Variants in GLIS3 observed in about 807,000 individuals in gnomAD.
The protein encoded by GLIS3 is GLIS family zinc finger 3.
A neutral mutation model predicts 78.6 loss-of-function variants in GLIS3; 53 were observed. That is an observed-to-expected ratio of 0.67 (90% CI 0.54 to 0.85). GLIS3 has a LOEUF of 0.85. Among genes scored for constraint, GLIS3 ranks in the 40% least tolerant of loss-of-function variants. GLIS3 has a pLI of 0.00. For synonymous variants in GLIS3, 684 were observed against 509.9 expected (o/e 1.34, Z -4.60); for missense variants, 1,703 against 1,231.1 (o/e 1.38, Z -5.74).
chr9:4,050,446 GGT>G (rs1825663952), intron 4 of GLIS3, among the ~76,000 whole-genome samples: 1 of 152,114 alleles, frequency 6.6e-6, no homozygotes, highest in Non-Finnish European at 1.5e-5. Flanking sequence ...AGGGCCTGTT[GGT>G]GGGTGGGGGT....
intron 2 of GLIS3, among the ~76,000 whole-genome samples, chr9:4,207,754 C>G (rs1300668415): frequency 6.6e-6 from 1 of 152,130 alleles, no homozygotes; most frequent in Non-Finnish European, 1.5e-5. Flanking sequence ...AGATGGGGAA[C>G]CCAGAACAGG....
chr9:4,479,369 G>A, the GLIS3 span, among the ~76,000 whole-genome samples: 1 of 152,192 alleles, frequency 6.6e-6, no homozygotes, highest in Non-Finnish European at 1.5e-5. Context: ...AACATTCCCT[G>A]TGGGCCTTTG....
intron 2 of GLIS3, among the ~76,000 whole-genome samples, chr9:4,264,607 A>T (rs1317100504): frequency 6.6e-6 from 1 of 152,040 alleles, no homozygotes; most frequent in Non-Finnish European, 1.5e-5. Context: ...CTCTTCTGGG[A>T]ACACTCTTCC....
At position 3,828,287 on chromosome 9, in the gene GLIS3, G is replaced by A. The variant is rs199920423; in HGVS notation, c.2778C>T (p.Val926=). ...AAGAGAGCTTTTAGCCTTCGGTGTA[G>A]ACAGAGGAGAGCTGGCTAGGACAGC... The part of the protein sequence containing the change: ...VDRCPSQLSS[V]YTEG Residue 926 remains valine, a synonymous_variant, in exon 11 of 11, where the codon GTC becomes GTT. Transcript: ENST00000381971. The A allele has an allele frequency of 6.2e-7, 1 of 1,614,126 alleles. No individual in the cohort carries two copies. Among genetic ancestry groups the A allele is most frequent in the Non-Finnish European group, 8.5e-7 (1 of 1,180,016 alleles).
At chr9:4,277,010 A>C (rs1827092555) in intron 2 of GLIS3, among the ~76,000 whole-genome samples, 1 of 152,176 alleles carries the variant, frequency 6.6e-6, no homozygotes, top group Non-Finnish European at 1.5e-5. Context: ...GAAAATATAA[A>C]TGATTAAAAA....
At chr9:4,344,188 T>TC (rs1817872712) in intron 2 of GLIS3, among the ~76,000 whole-genome samples, 1 of 152,062 alleles carries the variant, frequency 6.6e-6, no homozygotes. Flanking sequence ...ACAGCAAGTC[T>TC]CCCGATAAAA....
the GLIS3 span, among the ~76,000 whole-genome samples, chr9:4,478,917 G>C: frequency 6.6e-6 from 1 of 152,148 alleles, no homozygotes; most frequent in African/African-American, 2.4e-5. Context: ...TTATGAAATA[G>C]CAAACCTCTA....
chr9:3,990,976 G>C (rs988906766), intron 4 of GLIS3, among the ~76,000 whole-genome samples: 22 of 152,082 alleles, frequency 1.4e-4, no homozygotes, highest in Non-Finnish European at 2.4e-4. Flanking sequence ...GTTTTGTTTA[G>C]CCAGGAATCA....
chr9:4,301,545 G>A (rs984022593), upstream of GLIS3, among the ~76,000 whole-genome samples: 1 of 152,186 alleles, frequency 6.6e-6, no homozygotes. Flanking sequence ...GAGCAAGATG[G>A]CAACACTAAC....
chr9:4,360,569 C>G, the GLIS3 span, among the ~76,000 whole-genome samples: 1,376 of 152,282 alleles, frequency 9.0e-3, 24 homozygotes, highest in African/African-American at 0.032. Flanking sequence ...CTCACCTTAA[C>G]TCGATGAGTT....
the GLIS3 span, among the ~76,000 whole-genome samples, chr9:4,411,757 AAC>A: frequency 1.3e-5 from 2 of 152,342 alleles, no homozygotes; most frequent in South Asian, 4.1e-4. Flanking sequence ...AGTGGCTTAC[AAC>A]ACCATCCACC....
chr9:4,049,483 A>G (rs1825531907), intron 4 of GLIS3, among the ~76,000 whole-genome samples: 2 of 152,192 alleles, frequency 1.3e-5, no homozygotes, highest in African/African-American at 4.8e-5. Context: ...AACTACTGCC[A>G]ATGCCCACAG....
At chr9:4,418,935 A>G in the GLIS3 span, among the ~76,000 whole-genome samples, 1 of 152,170 alleles carries the variant, frequency 6.6e-6, no homozygotes, top group Admixed American at 6.5e-5. Context: ...AGAAATGTAG[A>G]CTGTGAAGTG....
rs563815202 is a variant in GLIS3, at chr9:4,216,562, T to G, written c.388+69476A>C. ...GTTGAATTGGAAAATTCATTGGACT[T>G]AGAGCCCCAGCCAGGGTTCTGAAGG... On this transcript the variant is annotated intron_variant, in intron 2 of 10. Coordinates refer to ENST00000381971, the MANE Select transcript of GLIS3 (RefSeq NM_001042413.2). Among the ~76,000 whole-genome samples the G allele has an allele frequency of 1.1e-4, 17 of 151,434 alleles. 1 individual carries two copies. In the South Asian group the frequency reaches 2.9e-3, roughly 26 times the overall value.
chr9:4,187,587 T>A (rs1817927828), intron 2 of GLIS3, among the ~76,000 whole-genome samples: 1 of 152,170 alleles, frequency 6.6e-6, no homozygotes, highest in South Asian at 2.1e-4. Flanking sequence ...GACCTTGGAC[T>A]GTATGGCCAT....
intron 4 of GLIS3, among the ~76,000 whole-genome samples, chr9:4,032,843 G>A (rs1245347885): frequency 6.6e-6 from 1 of 151,404 alleles, no homozygotes; most frequent in Non-Finnish European, 1.5e-5. Flanking sequence ...ATGCCAAGTG[G>A]AATTGAGAAT....
chr9:3,976,155 C>A (rs907414894), intron 4 of GLIS3, among the ~76,000 whole-genome samples: 5 of 152,042 alleles, frequency 3.3e-5, no homozygotes, highest in African/African-American at 1.2e-4. Flanking sequence ...CAATCCTGCC[C>A]CCATATGTTT....
At chr9:4,064,192 G>GA (rs1368933652) in intron 4 of GLIS3, among the ~76,000 whole-genome samples, 5 of 151,634 alleles carry the variant, frequency 3.3e-5, no homozygotes, top group East Asian at 1.9e-4. Context: ...ATTTACTGAG[G>GA]AAAAAATCTA....
intron 2 of GLIS3, among the ~76,000 whole-genome samples, chr9:4,201,495 C>T (rs958381753): frequency 1.1e-4 from 17 of 152,102 alleles, no homozygotes; most frequent in African/African-American, 3.6e-4. Context: ...TTTCAGGATA[C>T]AAAAATCACT....
Sources: allele counts gnomAD v4.1 joint callset (sites outside exome capture counted in the v4.1 genomes callset), GRCh38; gene constraint gnomAD v4.1.1; transcripts MANE v1.5; gene names NCBI Gene and HGNC (gene_info 2026-07-23, HGNC 2026-07-21).